Variants in SLC18B1 observed in about 807,000 individuals in gnomAD.
SLC18B1 encodes the protein MFS-type transporter SLC18B1.
Under a neutral mutation model 53.9 loss-of-function variants are expected in SLC18B1, and 62 were observed. The observed-to-expected ratio is 1.15, with a 90% CI of 0.94 to 1.42. The LOEUF is 1.42. Ranked by LOEUF, SLC18B1 falls within the 40% of genes most tolerant of loss-of-function variation. The pLI, the probability that SLC18B1 is intolerant of heterozygous loss-of-function variation, is 0.00. For synonymous variants in SLC18B1, 217 were observed against 200.9 expected (o/e 1.08, Z -0.68); for missense variants, 598 against 547.3 (o/e 1.09, Z -0.93).
At position 132,779,531 on chromosome 6, in the gene SLC18B1, C is replaced by A. The variant is rs553062164; in HGVS notation, c.659-127G>T. On this transcript the variant is annotated intron_variant, in intron 6 of 13. Transcript: ENST00000275227. Reference sequence around the variant, plus strand: ...CAAAATGACTCAATCTCTGAGTTTGCCTAAAATTGTATACCATCTATACTT... The same window carrying A: ...CAAAATGACTCAATCTCTGAGTTTGACTAAAATTGTATACCATCTATACTT... 9 of 1,027,204 alleles carry A rather than the reference C, an allele frequency of 8.8e-6. No individual in the cohort carries two copies. The East Asian group carries it at 2.4e-4, about 27-fold the overall frequency. The allele number at this position is 1,027,204 out of a possible 1,614,324, so 63.6% of individuals were successfully genotyped here. A position where few individuals can be genotyped will look rare whatever the true frequency, so the allele number is the denominator to read the frequency against.
At chr6:132,773,577 A>G (rs1221347832) in intron 9 of SLC18B1, among the ~76,000 whole-genome samples, 1 of 152,210 alleles carries the variant, frequency 6.6e-6, no homozygotes, top group East Asian at 1.9e-4. Flanking sequence ...CTTGTAATGT[A>G]AGTACTATTA....
Position 132,776,337 on chromosome 6 carries a change from A to G in SLC18B1, c.888T>C (p.Asp296=). ...AATTAAGTGTACGTACTGGCCTTTT[A>G]TCACTTAGGAGACCAAATAGTGGTG... The part of the protein sequence containing the change: ...ISSPLFGLLS[D]KRPPLRKWLL... Residue 296 remains aspartate (D), a synonymous_variant, in exon 8 of 14, where the codon GAT becomes GAC. Coordinates refer to ENST00000275227, the MANE Select transcript of SLC18B1 (RefSeq NM_052831.3). The G allele has an allele frequency of 1.2e-6, 2 of 1,612,354 alleles. No individual in the cohort carries two copies. Among genetic ancestry groups the G allele is most frequent in the Non-Finnish European group, 1.7e-6 (2 of 1,178,920 alleles).
In SLC18B1 at chr6:132,779,307, G is replaced by T; in HGVS notation, c.756C>A (p.Gly252=). Residue 252 remains glycine, a synonymous_variant, in exon 7 of 14, where the codon GGC becomes GGA. Transcript: ENST00000275227. ...FVINSLSSCF[G]FLDPTLSLFV... ...AGAGAGACAGAGTAGGATCGAGGAA[G>T]CCAAAACACGAGCTGAGTGAGTTGA... 6.2e-7 allele frequency: 1 copy of T among 1,614,050 alleles called. No homozygotes were observed. The highest frequency in any genetic ancestry group is 8.5e-7 in the Non-Finnish European group (1 of 1,179,974).
chr6:132,792,291 G>A (rs1464324225), intron 2 of SLC18B1, among the ~76,000 whole-genome samples: 2 of 67,048 alleles, frequency 3.0e-5, no homozygotes, highest in African/African-American at 1.9e-4. Flanking sequence ...AAGGAAGAAA[G>A]GAAGGAAGGA....
rs1167968242 is a variant in SLC18B1 at position 132,774,383 on chromosome 6, A to C, written c.898-70T>G. On this transcript the variant is annotated intron_variant, in intron 8 of 13. Transcript: ENST00000275227. ...ACCCTCCATAATCAAACAACGTAAAACATTAGTAAAAAACACAAATCATGA... is the reference window on the plus strand; with the variant it reads ...ACCCTCCATAATCAAACAACGTAAACCATTAGTAAAAAACACAAATCATGA... The C allele has an allele frequency of 9.1e-6, 11 of 1,213,434 alleles. No homozygotes were observed. The African/African-American group carries it at 1.5e-4, about 17-fold the overall frequency. The allele number at this position is 1,213,434 out of a possible 1,614,324, so 75.2% of individuals were successfully genotyped here.
chr6:132,779,468 T>C, intron 6 of SLC18B1, 64 bp from the exon 7 acceptor site: 3 of 1,540,612 alleles, frequency 1.9e-6, no homozygotes, highest in South Asian at 2.4e-5. Context: ...TAATTTTAAC[T>C]ATTTGGAAAA....
rs1781010311 is a variant in SLC18B1, at chr6:132,772,855, T to C, written c.1085+138A>G. The C allele has an allele frequency of 9.8e-6, 6 of 610,988 alleles. No homozygotes were observed. The South Asian group carries it at 1.3e-4, about 13-fold the overall frequency. 37.8% of individuals were successfully genotyped at this position (610,988 alleles called of 1,614,324 possible). A position where few individuals can be genotyped will look rare whatever the true frequency, so the allele number is the denominator to read the frequency against. ...TATTATTACTATTTATATCATAATA[T>C]CATATGCTACAAAATCATGAAGATT... On this transcript the variant is annotated intron_variant, in intron 10 of 13. Transcript: ENST00000275227.
chr6:132,795,880 T>C (rs1262787411), intron 2 of SLC18B1, among the ~76,000 whole-genome samples: 3 of 152,146 alleles, frequency 2.0e-5, no homozygotes, highest in Non-Finnish European at 2.9e-5. Context: ...ACATTGGCGC[T>C]AGAGTCCATA....
intron 2 of SLC18B1, among the ~76,000 whole-genome samples, chr6:132,790,881 T>G (rs1582871345): frequency 6.6e-6 from 1 of 152,160 alleles, no homozygotes; most frequent in Admixed American, 6.5e-5. Flanking sequence ...ACAGCCAAGG[T>G]AGTTTATCAT....
chr6:132,792,429 T>C (rs879410481), intron 2 of SLC18B1, among the ~76,000 whole-genome samples: 2 of 151,712 alleles, frequency 1.3e-5, no homozygotes, highest in African/African-American at 2.4e-5. Context: ...ATTAGTCAAG[T>C]TGCATTATCA....
intron 5 of SLC18B1, 150 bp from the exon 6 acceptor site, chr6:132,784,239 A>C (rs549261825): frequency 2.0e-6 from 1 of 493,994 alleles, no homozygotes; most frequent in African/African-American, 2.0e-5. Flanking sequence ...TATTGAAATC[A>C]TAAAAATATT....
At chr6:132,788,182 A>C (rs1034434354) in intron 4 of SLC18B1, among the ~76,000 whole-genome samples, 2 of 151,728 alleles carry the variant, frequency 1.3e-5, no homozygotes, top group South Asian at 2.1e-4. Flanking sequence ...AAAGAAAAAA[A>C]AAAAAAGAAA....
chr6:132,792,293 A>G (rs1335371595), intron 2 of SLC18B1, among the ~76,000 whole-genome samples: 1 of 82,238 alleles, frequency 1.2e-5, no homozygotes, highest in Admixed American at 1.1e-4. Context: ...GGAAGAAAGG[A>G]AGGAAGGAAG....
At chr6:132,790,299 G>A (rs1472346820) in intron 2 of SLC18B1, 27 bp from the exon 3 acceptor site, 2 of 1,472,928 alleles carry the variant, frequency 1.4e-6, no homozygotes, top group African/African-American at 2.9e-5. Flanking sequence ...CGGAAACAAA[G>A]TTTCAAAGAA....
At position 132,774,309 on chromosome 6, in the gene SLC18B1, A is replaced by T; in HGVS notation, c.902T>A (p.Leu301Gln). ...FGLLSDKRPPLRKWLLVFGNL... is the reference protein window; with the variant it reads ...FGLLSDKRPPQRKWLLVFGNL... Reference sequence around the variant, plus strand: ...GCCAAACACCAGAAGCCATTTCCTTAGAGGCTGGTAAAGGAGAAAGAGAGT... The same window carrying T: ...GCCAAACACCAGAAGCCATTTCCTTTGAGGCTGGTAAAGGAGAAAGAGAGT... The change falls in exon 9 of 14, where the codon CTA becomes CAA. Residue 301 changes from leucine to glutamine, a missense_variant. Transcript: ENST00000275227. 6.2e-7 allele frequency: 1 copy of T among 1,612,248 alleles called. No homozygotes were observed. The highest frequency in any genetic ancestry group is 8.5e-7 in the Non-Finnish European group (1 of 1,178,816).
At chr6:132,786,805 G>C (rs1285142431) in intron 5 of SLC18B1, among the ~76,000 whole-genome samples, 1 of 152,166 alleles carries the variant, frequency 6.6e-6, no homozygotes, top group Non-Finnish European at 1.5e-5. Flanking sequence ...TTGGGGATCA[G>C]AGAGGCAGCT....
chr6:132,790,261 C>A lies in SLC18B1; in HGVS notation c.195G>T (p.Lys65Asn). 6.4e-7 allele frequency: 1 copy of A among 1,555,264 alleles called. No individual in the cohort carries two copies. Among genetic ancestry groups the A allele is most frequent in the Non-Finnish European group, 8.7e-7 (1 of 1,148,734 alleles). Residue 65 changes from lysine to asparagine, a missense_variant, in exon 3 of 14, where the codon AAG (lysine) becomes AAT (asparagine). Coordinates refer to ENST00000275227, the MANE Select transcript of SLC18B1 (RefSeq NM_052831.3). ...TACCGATAATTGTATTGCTGGCTCC[C>A]TTCTTTTCAGCCTTTAAGTAATAGA... ...GPFFPKEAEK[K>N]GASNTIIGMI...
intron 4 of SLC18B1, among the ~76,000 whole-genome samples, chr6:132,787,807 C>T (rs1781416651): frequency 6.6e-6 from 1 of 151,706 alleles, no homozygotes; most frequent in South Asian, 2.1e-4. Flanking sequence ...ACAGCTTAGT[C>T]GCCCTTTTCT....
intron 6 of SLC18B1, among the ~76,000 whole-genome samples, chr6:132,781,609 C>G (rs184454405): frequency 9.9e-5 from 15 of 151,492 alleles, no homozygotes; most frequent in African/African-American, 2.9e-4. Context: ...ATACAAAAAT[C>G]AGCCAGGTGT....
Sources: gnomAD v4.1 joint callset for allele counts (sites outside exome capture counted in the v4.1 genomes callset) on GRCh38, gnomAD v4.1.1 for gene constraint, MANE v1.5 for transcripts, NCBI Gene and HGNC (gene_info 2026-07-23, HGNC 2026-07-21) for gene names.